Variants in ATP8A2 observed in about 807,000 individuals in gnomAD.
ATP8A2 encodes the protein ATPase phospholipid transporting 8A2.
ATP8A2 carries 100 observed loss-of-function variants against 165.6 expected under a neutral mutation model. The observed-to-expected ratio is 0.60, with a 90% CI of 0.51 to 0.71. The LOEUF (loss-of-function observed/expected upper bound fraction) is 0.71. Ranked by LOEUF, ATP8A2 falls within the 30% of genes least tolerant of loss-of-function variation. The pLI is 0.00. For synonymous variants in ATP8A2, 543 were observed against 548.8 expected, an observed-to-expected ratio of 0.99 and a Z score of 0.15; for missense variants, 1,227 against 1,479.5, an observed-to-expected ratio of 0.83 and a Z score of 2.80.
chr13:25,659,891 T>C (rs1349948488), intron 24 of ATP8A2, among the ~76,000 whole-genome samples: 5 of 152,192 alleles, frequency 3.3e-5, no homozygotes, highest in Non-Finnish European at 7.3e-5. Context: ...CCATTTCTAA[T>C]AAGCATGTTA....
At chr13:25,990,261 T>TAAAAAA (rs3056351) in intron 35 of ATP8A2, among the ~76,000 whole-genome samples, 4 of 108,354 alleles carry the variant, frequency 3.7e-5, no homozygotes, top group Non-Finnish European at 3.7e-5. Context: ...CATGTAACTG[T>TAAAAAA]AAAAAAAAAA....
intron 2 of ATP8A2, among the ~76,000 whole-genome samples, chr13:25,479,205 C>T (rs1469968732): frequency 1.3e-5 from 2 of 152,162 alleles, no homozygotes; most frequent in African/African-American, 4.8e-5. Context: ...TATACATGTG[C>T]TATCATTGTT....
chr13:25,529,931 T>C, intron 2 of ATP8A2, 68 bp from the exon 3 acceptor site: 1 of 875,728 alleles, frequency 1.1e-6, no homozygotes, highest in Non-Finnish European at 1.8e-6. Context: ...TCTAAACTTC[T>C]TGTCCTGTTC....
chr13:25,620,555 A>C (rs147720394), intron 24 of ATP8A2, among the ~76,000 whole-genome samples: 1 of 152,302 alleles, frequency 6.6e-6, no homozygotes, highest in African/African-American at 2.4e-5. Context: ...CAGTGATAAA[A>C]CTTAGATTAG....
At chr13:25,908,422 T>C (rs1954010508) in intron 33 of ATP8A2, among the ~76,000 whole-genome samples, 1 of 152,252 alleles carries the variant, frequency 6.6e-6, no homozygotes, top group African/African-American at 2.4e-5. Context: ...GATACTTTCA[T>C]CTTTGCAACG....
At chr13:25,703,479 A>G (rs183572149) in intron 25 of ATP8A2, among the ~76,000 whole-genome samples, 1 of 152,348 alleles carries the variant, frequency 6.6e-6, no homozygotes, top group East Asian at 1.9e-4. Context: ...CAAAAGAATT[A>G]AAAACAGGCA....
chr13:25,896,081 G>T (rs1291636926), intron 33 of ATP8A2, among the ~76,000 whole-genome samples: 1 of 152,118 alleles, frequency 6.6e-6, no homozygotes, highest in Non-Finnish European at 1.5e-5. Context: ...GCTAGCTTTT[G>T]AATGTGTTTT....
intron 1 of ATP8A2, among the ~76,000 whole-genome samples, chr13:25,466,215 T>C (rs1036193751): frequency 2.6e-5 from 4 of 152,088 alleles, no homozygotes; most frequent in African/African-American, 7.2e-5. Context: ...TTTGGTGAAC[T>C]TTTTTTCTAC....
Position 25,543,283 on chromosome 13 carries a change from A to G in ATP8A2, c.780-8A>G. The G allele has an allele frequency of 2.6e-6, 4 of 1,551,938 alleles. No homozygotes were observed. Among genetic ancestry groups the G allele is most frequent in the Middle Eastern group, 1.7e-4 (1 of 5,940 alleles). ...TCATTAAATATCATTGTTGTTTTTT[A>G]TTTTTAGCCTTGTTGCCCTTGGGCC... On this transcript the variant is annotated splice_polypyrimidine_tract_variant and splice_region_variant and intron_variant, in intron 9 of 36. Coordinates refer to ENST00000381655, the MANE Select transcript of ATP8A2 (RefSeq NM_016529.6).
At chr13:25,904,750 A>G (rs1953879411) in intron 33 of ATP8A2, among the ~76,000 whole-genome samples, 1 of 152,172 alleles carries the variant, frequency 6.6e-6, no homozygotes, top group South Asian at 2.1e-4. Context: ...TGTGTGTCAT[A>G]TCCATATCCT....
intron 2 of ATP8A2, among the ~76,000 whole-genome samples, chr13:25,493,516 A>C (rs1472111849): frequency 6.6e-6 from 1 of 152,142 alleles, no homozygotes; most frequent in Non-Finnish European, 1.5e-5. Context: ...TAGTTGAGAA[A>C]GCTCACTGTG....
intron 33 of ATP8A2, among the ~76,000 whole-genome samples, chr13:25,877,742 C>G (rs1227454860): frequency 6.6e-6 from 1 of 152,210 alleles, no homozygotes; most frequent in Non-Finnish European, 1.5e-5. Flanking sequence ...AGAGACTCCT[C>G]TTAAGCTGTT....
intron 35 of ATP8A2, among the ~76,000 whole-genome samples, chr13:25,977,437 G>T (rs765761927): frequency 6.6e-6 from 1 of 152,156 alleles, no homozygotes; most frequent in African/African-American, 2.4e-5. Context: ...GGAAATTACC[G>T]AAAGGCTGCC....
At chr13:25,569,393 G>A (rs1045351923) in intron 16 of ATP8A2, among the ~76,000 whole-genome samples, 8 of 152,116 alleles carry the variant, frequency 5.3e-5, no homozygotes, top group African/African-American at 1.2e-4. Context: ...TGTGGAAGCC[G>A]TCATTCATTT....
chr13:25,824,552 G>A (rs1013595399), intron 27 of ATP8A2, among the ~76,000 whole-genome samples: 5 of 152,118 alleles, frequency 3.3e-5, no homozygotes, highest in Non-Finnish European at 5.9e-5. Context: ...GGGGAAAGGG[G>A]ATTCCAAGTT....
At chr13:25,713,214 G>A (rs1021700175) in intron 25 of ATP8A2, among the ~76,000 whole-genome samples, 1 of 152,118 alleles carries the variant, frequency 6.6e-6, no homozygotes, top group Non-Finnish European at 1.5e-5. Context: ...AGCAGAAATC[G>A]CATCTTCTAT....
In ATP8A2 at chr13:25,623,978, G is replaced by A. The variant is rs191444233; in HGVS notation, c.2211+34279G>A. On this transcript the variant is annotated intron_variant, in intron 24 of 36. Coordinates refer to ENST00000381655, the MANE Select transcript of ATP8A2 (RefSeq NM_016529.6). The stretch of plus-strand genomic sequence containing the variant: ...ATATCTATATTGTGTGTGTGTGTGT[G>A]AGAATGGAGTGCCATCCTTCCCCTT... Among the ~76,000 whole-genome samples the A allele has an allele frequency of 5.9e-5, 9 of 152,202 alleles. No homozygotes were observed. In the East Asian group the frequency reaches 1.7e-3, roughly 29 times the overall value.
intron 24 of ATP8A2, among the ~76,000 whole-genome samples, chr13:25,617,999 G>A (rs1436864324): frequency 1.3e-5 from 2 of 152,178 alleles, no homozygotes; most frequent in Admixed American, 6.5e-5. Context: ...GTGTAAAATT[G>A]TATTTAGGAG....
At chr13:25,804,903 T>G (rs1470445101) in intron 27 of ATP8A2, among the ~76,000 whole-genome samples, 1 of 152,166 alleles carries the variant, frequency 6.6e-6, no homozygotes, top group African/African-American at 2.4e-5. Context: ...AATGAGGCGT[T>G]AAATGGTTAA....
Sources: gnomAD v4.1 joint callset for allele counts (sites outside exome capture counted in the v4.1 genomes callset) on GRCh38, gnomAD v4.1.1 for gene constraint, MANE v1.5 for transcripts, NCBI Gene and HGNC (gene_info 2026-07-23, HGNC 2026-07-21) for gene names.